AKAP12: variants seen among roughly 807,000 people sequenced by gnomAD.
AKAP12 encodes the protein A-kinase anchoring protein 12.
In AKAP12, 32 loss-of-function variants were observed where a neutral mutation model predicts 79.9. That is an observed-to-expected ratio of 0.40 (90% CI 0.30 to 0.54). AKAP12 has a LOEUF of 0.54. Ranked by LOEUF, AKAP12 falls within the 20% of genes least tolerant of loss-of-function variation. The pLI is 0.48. For missense variants in AKAP12, 2,074 were observed against 2,177.0 expected, an observed-to-expected ratio of 0.95 and a Z score of 0.94; for synonymous variants, 808 against 857.0, an observed-to-expected ratio of 0.94 and a Z score of 1.00.
At chr6:151,339,231 T>C (rs1777889046) in intron 3 of AKAP12, among the ~76,000 whole-genome samples, 1 of 152,202 alleles carries the variant, frequency 6.6e-6, no homozygotes, top group Non-Finnish European at 1.5e-5. Context: ...AAAGTTGTAA[T>C]GATTTATGGA....
chr6:151,311,557 CT>C (rs1437480375), intron 3 of AKAP12, among the ~76,000 whole-genome samples: 2 of 152,126 alleles, frequency 1.3e-5, no homozygotes, highest in African/African-American at 2.4e-5. Context: ...CCTCAAAATG[CT>C]GTCACTTAAA....
chr6:151,272,948 C>T (rs188749922), intron 2 of AKAP12, among the ~76,000 whole-genome samples: 209 of 152,304 alleles, frequency 1.4e-3, no homozygotes, highest in Middle Eastern at 3.4e-3. Flanking sequence ...CAGAGTCTTG[C>T]TCTGGCTGGA....
chr6:151,307,108 G>T (rs1352958598), intron 3 of AKAP12, among the ~76,000 whole-genome samples: 1 of 152,182 alleles, frequency 6.6e-6, no homozygotes, highest in African/African-American at 2.4e-5. Context: ...GGGAGATTAG[G>T]GGGAGGCTGG....
intron 2 of AKAP12, among the ~76,000 whole-genome samples, chr6:151,257,930 G>C (rs1223489603): frequency 6.6e-6 from 1 of 152,172 alleles, no homozygotes; most frequent in Admixed American, 6.5e-5. Context: ...GGATTTCATT[G>C]TTCAAATAAT....
chr6:151,337,969 G>A (rs1304261155), intron 3 of AKAP12, among the ~76,000 whole-genome samples: 3 of 152,176 alleles, frequency 2.0e-5, no homozygotes, highest in African/African-American at 4.8e-5. Context: ...CCCTGGAAGC[G>A]GAGGCTGCAG....
In AKAP12 at chr6:151,350,172, A is replaced by G. The variant is rs1159358238; in HGVS notation, c.1781A>G (p.Glu594Gly). Residue 594 changes from glutamate to glycine, a missense_variant, in exon 4 of 5, where the codon GAA becomes GGA. Physicochemically the swap from Glu to Gly is moderately conservative, Grantham distance 98 (BLOSUM62 -2). This residue lies in a region of AKAP12 where 1,428 missense variants were observed against 1,451.0 expected (regional missense o/e 0.98). Transcript: ENST00000402676. This position sits in a 1 kb window ranked among gnomAD's most constrained non-coding sequence, Gnocchi z 4.8. ...AEVQQDGEAE[E>G]GATSDGEKKR... ...GTGCAGCAGGATGGGGAAGCTGAAG[A>G]AGGAGCTACTTCCGATGGAGAGAAA... The G allele has an allele frequency of 6.2e-7, 1 of 1,614,002 alleles. No homozygotes were observed.
intron 2 of AKAP12, among the ~76,000 whole-genome samples, chr6:151,260,591 TC>T (rs1797407503): frequency 6.6e-6 from 1 of 152,232 alleles, no homozygotes; most frequent in Non-Finnish European, 1.5e-5. Flanking sequence ...GACCCTGTCC[TC>T]ACTTCTCCCA....
intron 2 of AKAP12, among the ~76,000 whole-genome samples, chr6:151,303,171 CAA>C (rs759942647): frequency 1.3e-5 from 2 of 151,562 alleles, no homozygotes; most frequent in Non-Finnish European, 2.9e-5. Context: ...ACCTGGGGGA[CAA>C]GAGCGAAAAT....
chr6:151,267,235 G>T (rs1171774639), intron 2 of AKAP12, among the ~76,000 whole-genome samples: 1 of 152,090 alleles, frequency 6.6e-6, no homozygotes, highest in East Asian at 1.9e-4. Context: ...GAGTTTAATT[G>T]ATTTTATATT....
chr6:151,288,415 G>T (rs1440736830), intron 2 of AKAP12, among the ~76,000 whole-genome samples: 1 of 152,104 alleles, frequency 6.6e-6, no homozygotes, highest in Admixed American at 6.5e-5. Flanking sequence ...TACTCAGGAG[G>T]CTGAGAGGCA....
In AKAP12 at chr6:151,356,322, G is replaced by T. The variant is rs950163022; in HGVS notation, c.*608G>T. 9 of 152,548 alleles carry T rather than the reference G, an allele frequency of 5.9e-5. No individual in the cohort carries two copies. Among genetic ancestry groups the T allele is most frequent in the Non-Finnish European group, 1.5e-5 (1 of 68,036 alleles). 9.4% of individuals were successfully genotyped at this position (152,548 alleles called of 1,614,324 possible). On this transcript the variant is annotated 3_prime_UTR_variant, in exon 5 of 5. Coordinates refer to ENST00000402676, the MANE Select transcript of AKAP12 (RefSeq NM_005100.4). ...CCATATTTAGTGGTACTCTGAAATTGGTCACTTTCCTATTACACGGAGTGT... is the reference window on the plus strand; with the variant it reads ...CCATATTTAGTGGTACTCTGAAATTTGTCACTTTCCTATTACACGGAGTGT...
Position 151,240,518 on chromosome 6 carries a change from A to G in AKAP12, c.-45A>G. 1.4e-6 allele frequency: 2 copies of G among 1,389,426 alleles called. No individual in the cohort carries two copies. Among genetic ancestry groups the G allele is most frequent in the Non-Finnish European group, 1.9e-6 (2 of 1,078,848 alleles). The allele number at this position is 1,389,426 out of a possible 1,614,324, so 86.1% of individuals were successfully genotyped here. A position where few individuals can be genotyped will look rare whatever the true frequency, so the allele number is the denominator to read the frequency against. ...TTGCCCCTGTCCCTGCGGCTTGGGG[A>G]AGGCGTAACCCGGCGGCTAGGCGCG... On this transcript the variant is annotated 5_prime_UTR_variant, in exon 2 of 5. Transcript: ENST00000402676.
At chr6:151,267,191 T>C (rs1020019186) in intron 2 of AKAP12, among the ~76,000 whole-genome samples, 1 of 151,948 alleles carries the variant, frequency 6.6e-6, no homozygotes, top group Non-Finnish European at 1.5e-5. Context: ...AGAATATAGC[T>C]TATAAGTAGG....
At chr6:151,257,717 T>C (rs555897711) in intron 2 of AKAP12, among the ~76,000 whole-genome samples, 1 of 152,330 alleles carries the variant, frequency 6.6e-6, no homozygotes, top group Admixed American at 6.5e-5. Context: ...TTTATTCTTT[T>C]TTATGGCTGC....
At chr6:151,246,134 C>T (rs1054256365) in intron 2 of AKAP12, among the ~76,000 whole-genome samples, 5 of 152,136 alleles carry the variant, frequency 3.3e-5, no homozygotes, top group African/African-American at 9.7e-5. Context: ...AAAAATTTAA[C>T]CCGGCAAGGT....
chr6:151,349,585 G>C lies in AKAP12; in HGVS notation c.1194G>C (p.Pro398=), dbSNP rs750786266. 1 of 1,611,136 alleles carries C rather than the reference G, an allele frequency of 6.2e-7. No homozygotes were observed. Among genetic ancestry groups the C allele is most frequent in the Non-Finnish European group, 8.5e-7 (1 of 1,179,114 alleles). ...SQGPSEEKPA[P]LATEVFDEKI... ...GACCTTCTGAAGAGAAACCTGCTCC[G>C]TTGGCGACAGAAGTGTTTGATGAGA... Residue 398 remains proline (P), a synonymous_variant, in exon 4 of 5, where the codon CCG becomes CCC. Transcript: ENST00000402676.
chr6:151,258,710 A>G (rs915628115), intron 2 of AKAP12, among the ~76,000 whole-genome samples: 2 of 151,872 alleles, frequency 1.3e-5, no homozygotes, highest in Non-Finnish European at 2.9e-5. Flanking sequence ...CAGTGGCACT[A>G]TCTTGGCTCC....
At chr6:151,345,919 G>GTA (rs1778085127) in intron 3 of AKAP12, among the ~76,000 whole-genome samples, 1 of 140,588 alleles carries the variant, frequency 7.1e-6, no homozygotes, top group Admixed American at 7.3e-5. Flanking sequence ...GTGTGTGTGT[G>GTA]TGTGTGTGTG....
chr6:151,351,329 G>A lies in AKAP12; in HGVS notation c.2938G>A (p.Glu980Lys), dbSNP rs755791412. 3.1e-6 allele frequency: 5 copies of A among 1,614,260 alleles called. No individual in the cohort carries two copies. In the Admixed American group the frequency reaches 8.3e-5, roughly 27 times the overall value. Residue 980 changes from glutamate (E) to lysine (K), a missense_variant, in exon 4 of 5, where the codon GAA (glutamate) becomes AAA (lysine). By Grantham distance (56) the Glu-to-Lys change is moderately conservative. This residue lies in a region of AKAP12 where 1,428 missense variants were observed against 1,451.0 expected (regional missense o/e 0.98). Transcript: ENST00000402676. The surrounding 1 kb of genome is among the most constrained non-coding windows in gnomAD (Gnocchi z 4.4). ...ELTPEAVTAA[E>K]TAGPLGAEEG... ...GACCCCCGAAGCTGTGACAGCTGCA[G>A]AAACTGCAGGGCCATTGGGTGCCGA...
Sources: gnomAD v4.1 joint callset for allele counts (sites outside exome capture counted in the v4.1 genomes callset) on GRCh38, gnomAD v4.1.1 for gene constraint, gnomAD v4.1.1 regional missense constraint, Gnocchi (gnomAD v3.1) non-coding constraint, MANE v1.5 for transcripts, NCBI Gene and HGNC (gene_info 2026-07-23, HGNC 2026-07-21) for gene names.